The following FAHD1 variants were observed in gnomAD, a reference collection of about 807,000 sequenced individuals.
FAHD1 encodes oxaloacetate tautomerase FAHD1, mitochondrial.
FAHD1 carries 14 observed loss-of-function variants against 12.7 expected under a neutral mutation model. The observed-to-expected ratio is 1.10, with a 90% CI of 0.73 to 1.72. The LOEUF (loss-of-function observed/expected upper bound fraction) is 1.72, where lower values mean the gene tolerates loss of function less well. FAHD1 is among the 40% of genes most tolerant of loss of function. The probability of loss-of-function intolerance (pLI) is 0.00; values close to 1 mark genes in which losing one functional copy is unlikely to be tolerated. For synonymous variants in FAHD1, 153 were observed against 124.9 expected (o/e 1.22, Z -1.50); for missense variants, 351 against 298.9 (o/e 1.17, Z -1.29).
exon 1 of FAHD1, chr16:1,827,638 A>G (rs1898517348): frequency 6.2e-7 from 1 of 1,614,074 alleles, no homozygotes; most frequent in South Asian, 1.1e-5. Flanking sequence ...GTTCGTGCCC[A>G]AGGAGAAGAT....
At chr16:1,837,418 C>G (rs1596961560) in intron 1 of FAHD1, among the ~76,000 whole-genome samples, 1 of 152,246 alleles carries the variant, frequency 6.6e-6, no homozygotes, top group South Asian at 2.1e-4. Flanking sequence ...GTTGCCCAGG[C>G]TGGCCTCAAA....
At chr16:1,836,585 A>G (rs1262416788) in intron 1 of FAHD1, among the ~76,000 whole-genome samples, 1 of 148,110 alleles carries the variant, frequency 6.8e-6, no homozygotes, top group Non-Finnish European at 1.5e-5. Context: ...AAGAGGCCTC[A>G]AGCCGAGGTC....
intron 2 of FAHD1, chr16:1,838,157 T>A: frequency 3.9e-6 from 2 of 515,118 alleles, no homozygotes; most frequent in South Asian, 6.9e-5. Context: ...CTTCTCTGGC[T>A]AATTGTTTTA....
chr16:1,831,198 C>T (rs1898615938), downstream of FAHD1, among the ~76,000 whole-genome samples: 1 of 152,110 alleles, frequency 6.6e-6, no homozygotes, highest in Admixed American at 6.6e-5. Context: ...ATATCACGAA[C>T]ATATTTCCAG....
exon 1 of FAHD1, chr16:1,827,324 G>C (rs1567267094): frequency 6.2e-7 from 1 of 1,613,232 alleles, no homozygotes; most frequent in Non-Finnish European, 8.5e-7. Context: ...GACCACGTCA[G>C]GGAGATGCGC....
intron 1 of FAHD1, among the ~76,000 whole-genome samples, chr16:1,835,891 ACT>A (rs1376712481): frequency 1.4e-5 from 2 of 144,828 alleles, no homozygotes; most frequent in Non-Finnish European, 3.0e-5. Context: ...ACACAGTCTC[ACT>A]CTGTCACCCA....
At chr16:1,836,035 G>A (rs1167894571) in intron 1 of FAHD1, among the ~76,000 whole-genome samples, 2 of 151,764 alleles carry the variant, frequency 1.3e-5, no homozygotes, top group Non-Finnish European at 2.9e-5. Context: ...AATTTTTGTA[G>A]TTTTAGCAGA....
chr16:1,838,097 A>G (rs1207652607), exon 2 of FAHD1: 1 of 711,350 alleles, frequency 1.4e-6, no homozygotes, highest in Admixed American at 2.8e-5. Flanking sequence ...CCCGGGGTCA[A>G]GCAATCCTCC....
downstream of FAHD1, among the ~76,000 whole-genome samples, chr16:1,831,632 C>T (rs1898621504): frequency 6.6e-6 from 1 of 152,156 alleles, no homozygotes; most frequent in South Asian, 2.1e-4. Context: ...GGGCATCCTC[C>T]ATATACTCTA....
At chr16:1,839,607 T>C in exon 3 of FAHD1, 1 of 584,262 alleles carries the variant, frequency 1.7e-6, no homozygotes, top group Admixed American at 3.5e-5. Flanking sequence ...TAAAACACAC[T>C]TTCTACGCAG....
chr16:1,832,178 C>CTTTTTT (rs57889123), downstream of FAHD1, among the ~76,000 whole-genome samples: 14,024 of 108,482 alleles, frequency 0.13, 1,528 homozygotes, highest in South Asian at 0.14. Flanking sequence ...TATGGTCATT[C>CTTTTTT]TTTTTTTTTT....
Position 1,839,199 on chromosome 16 carries a change from G to T in FAHD1, c.*9-63G>T. On this transcript the variant is annotated intron_variant, in intron 2 of 2. Coordinates refer to the FAHD1 transcript ENST00000382666. ...TGACAAAACAACCTATATTTTTTTGGGAAAAAGCATTCACTTTGGAAATAT... is the reference window on the plus strand; with the variant it reads ...TGACAAAACAACCTATATTTTTTTGTGAAAAAGCATTCACTTTGGAAATAT... The T allele has an allele frequency of 9.6e-6, 14 of 1,464,964 alleles. No homozygotes were observed. In the South Asian group the frequency reaches 1.0e-4, roughly 11 times the overall value. 90.7% of individuals were successfully genotyped at this position (1,464,964 alleles called of 1,614,324 possible). A position where few individuals can be genotyped will look rare whatever the true frequency, so the allele number is the denominator to read the frequency against.
intron 2 of FAHD1, chr16:1,839,122 A>G: frequency 9.6e-7 from 1 of 1,040,142 alleles, no homozygotes; most frequent in Non-Finnish European, 1.3e-6. Context: ...GTTTAAAGCA[A>G]GATGATTTTT....
At chr16:1,834,600 T>C (rs1898689499) in intron 1 of FAHD1, among the ~76,000 whole-genome samples, 2 of 152,234 alleles carry the variant, frequency 1.3e-5, no homozygotes, top group Non-Finnish European at 2.9e-5. Flanking sequence ...TCACTTTTCA[T>C]GCTATTTCTC....
At chr16:1,834,730 C>G (rs1017564619) in intron 1 of FAHD1, among the ~76,000 whole-genome samples, 1 of 151,620 alleles carries the variant, frequency 6.6e-6, no homozygotes, top group Admixed American at 6.6e-5. Flanking sequence ...GTCAGGAGTT[C>G]GAGACCAGCC....
In FAHD1 at chr16:1,827,302, AG is replaced by A. The variant is rs766075445; in HGVS notation, c.66del (p.Asn23ThrfsTer14). The A allele has an allele frequency of 6.2e-7, 1 of 1,613,174 alleles. No homozygotes were observed. The highest frequency in any genetic ancestry group is 8.5e-7 in the Non-Finnish European group (1 of 1,179,886). ...GGGAAAGAACATCGTCTGCGTGGGG[AG>A]GAACTACGCGGACCACGTCAGGGAG... On this transcript the variant is annotated frameshift_variant, in exon 1 of 1. Transcript: ENST00000427358. LOFTEE classifies it high-confidence loss of function.
chr16:1,839,336 C>T (rs747236111), exon 3 of FAHD1: 1 of 1,614,174 alleles, frequency 6.2e-7, no homozygotes, highest in Non-Finnish European at 8.5e-7. Flanking sequence ...TCAGATCAAT[C>T]AGCACATGGA....
downstream of FAHD1, among the ~76,000 whole-genome samples, chr16:1,830,917 T>TATACAC (rs1555470127): frequency 1.7e-5 from 2 of 114,776 alleles, no homozygotes; most frequent in Non-Finnish European, 4.1e-5. Context: ...TCTCTCTCTA[T>TATACAC]ACACACACAC....
chr16:1,832,220 C>G (rs61656020), downstream of FAHD1, among the ~76,000 whole-genome samples: 21,498 of 40,882 alleles, frequency 0.53, 2,007 homozygotes, highest in South Asian at 0.58. Flanking sequence ...CTGTTGCCCA[C>G]GCTGCAGTGG....
Sources: allele counts gnomAD v4.1 joint callset (sites outside exome capture counted in the v4.1 genomes callset), GRCh38; gene constraint gnomAD v4.1.1; transcripts MANE v1.5; gene names NCBI Gene and HGNC (gene_info 2026-07-23, HGNC 2026-07-21).